SPAG16: variants seen among roughly 807,000 people sequenced by gnomAD.
SPAG16 encodes sperm associated antigen 16.
In SPAG16, 86 loss-of-function variants were observed where a neutral mutation model predicts 80.4. The ratio of observed to expected loss-of-function variants is 1.07; its 90% CI spans 0.90 to 1.28. The LOEUF is 1.28. SPAG16 is among the 50% of genes most tolerant of loss of function. The pLI is 0.00. For synonymous variants in SPAG16, 294 were observed against 265.9 expected (o/e 1.11, Z -1.03); for missense variants, 870 against 765.3 (o/e 1.14, Z -1.61).
At chr2:213,346,858 G>T (rs6435769) in intron 6 of SPAG16, among the ~76,000 whole-genome samples, 2 of 151,484 alleles carry the variant, frequency 1.3e-5, no homozygotes, top group Non-Finnish European at 1.5e-5. Context: ...TTTTTGTTGT[G>T]TCTCTGCCAG....
At chr2:213,609,173 A>G (rs1200061867) in intron 10 of SPAG16, among the ~76,000 whole-genome samples, 2 of 152,214 alleles carry the variant, frequency 1.3e-5, no homozygotes, top group African/African-American at 2.4e-5. Context: ...GAATTTTTCC[A>G]TTCTGAAAAT....
rs187062300 is a variant in SPAG16 at position 213,617,445 on chromosome 2, G to A, written c.1070+127355G>A. On this transcript the variant is annotated intron_variant, in intron 10 of 15. Transcript: ENST00000331683. Reference sequence around the variant, plus strand: ...CAACCTCTGCCTCCTGGGTTAAAGCGATTTTTCTGCCTCAGCCTCCCGACT... The same window carrying A: ...CAACCTCTGCCTCCTGGGTTAAAGCAATTTTTCTGCCTCAGCCTCCCGACT... 8.9e-4 allele frequency among the ~76,000 whole-genome samples: 136 copies of A among 152,204 alleles called. 1 individual carries two copies. The highest frequency in any genetic ancestry group is 1.4e-3 in the Admixed American group (22 of 15,290).
intron 10 of SPAG16, among the ~76,000 whole-genome samples, chr2:213,805,496 A>G (rs900333948): frequency 6.6e-6 from 1 of 152,216 alleles, no homozygotes; most frequent in Non-Finnish European, 1.5e-5. Context: ...GCCAATAGAG[A>G]TAAGATACAG....
At chr2:213,583,216 C>A (rs999998729) in intron 10 of SPAG16, among the ~76,000 whole-genome samples, 1 of 152,086 alleles carries the variant, frequency 6.6e-6, no homozygotes, top group Non-Finnish European at 1.5e-5. Context: ...ATGGAAAAAA[C>A]AGGCTCCTTT....
At chr2:213,352,420 C>A (rs2065384061) in intron 7 of SPAG16, among the ~76,000 whole-genome samples, 1 of 152,158 alleles carries the variant, frequency 6.6e-6, no homozygotes, top group South Asian at 2.1e-4. Context: ...CAGATCTCTT[C>A]CTATTTCCTA....
chr2:213,501,618 C>T (rs968124171), intron 10 of SPAG16, among the ~76,000 whole-genome samples: 5 of 152,098 alleles, frequency 3.3e-5, no homozygotes, highest in Admixed American at 6.5e-5. Context: ...AAATAACTAC[C>T]GTAATTTCTT....
At chr2:213,854,568 C>T (rs4386271) in intron 10 of SPAG16, among the ~76,000 whole-genome samples, 52,084 of 151,808 alleles carry the variant, frequency 0.34, 9,327 homozygotes, top group South Asian at 0.47. Context: ...TGTGCTGTGA[C>T]AATGTTCACT....
chr2:213,909,676 G>A (rs1286869100), intron 11 of SPAG16, among the ~76,000 whole-genome samples: 1 of 152,148 alleles, frequency 6.6e-6, no homozygotes, highest in Non-Finnish European at 1.5e-5. Context: ...CTAGCCATAT[G>A]TAGAAAGTTG....
chr2:214,365,127 A>G (rs142239748), intron 15 of SPAG16, among the ~76,000 whole-genome samples: 1 of 152,198 alleles, frequency 6.6e-6, no homozygotes, highest in Admixed American at 6.6e-5. Flanking sequence ...TTCAAGCCTG[A>G]GTGACAGAAG....
chr2:213,858,956 G>A (rs1324295242), intron 10 of SPAG16, among the ~76,000 whole-genome samples: 5 of 151,594 alleles, frequency 3.3e-5, no homozygotes, highest in Admixed American at 6.6e-5. Flanking sequence ...CGAGGTGGGC[G>A]GATCATGAGG....
chr2:213,767,152 T>A (rs979534837), intron 10 of SPAG16, among the ~76,000 whole-genome samples: 2 of 152,232 alleles, frequency 1.3e-5, no homozygotes, highest in African/African-American at 4.8e-5. Flanking sequence ...ATCTTCCAGG[T>A]GGGAAATTAA....
chr2:213,491,200 C>G (rs1156537671), intron 10 of SPAG16, among the ~76,000 whole-genome samples: 3 of 152,124 alleles, frequency 2.0e-5, no homozygotes, highest in Non-Finnish European at 4.4e-5. Context: ...TGTTCTATTT[C>G]AATGTAAAAC....
intron 10 of SPAG16, among the ~76,000 whole-genome samples, chr2:213,515,658 A>G (rs2075392110): frequency 6.6e-6 from 1 of 152,184 alleles, no homozygotes; most frequent in African/African-American, 2.4e-5. Context: ...GGGGAGTTTA[A>G]AAATATCTTT....
chr2:213,679,661 A>G (rs1195156439), intron 10 of SPAG16, among the ~76,000 whole-genome samples: 1 of 152,172 alleles, frequency 6.6e-6, no homozygotes, highest in Non-Finnish European at 1.5e-5. Flanking sequence ...ATATTTGTAA[A>G]GTTACCTTCA....
At chr2:213,742,784 C>T (rs1435647700) in intron 10 of SPAG16, among the ~76,000 whole-genome samples, 1 of 151,834 alleles carries the variant, frequency 6.6e-6, no homozygotes, top group African/African-American at 2.4e-5. Flanking sequence ...AACCCCTGAC[C>T]TCAGGTGATC....
chr2:213,385,141 G>A (rs566266549), intron 9 of SPAG16, among the ~76,000 whole-genome samples: 3 of 152,214 alleles, frequency 2.0e-5, no homozygotes, highest in Admixed American at 6.5e-5. Flanking sequence ...CTGGTCATCC[G>A]GTGGACATGG....
chr2:213,539,420 A>G (rs984188598), intron 10 of SPAG16, among the ~76,000 whole-genome samples: 6 of 152,194 alleles, frequency 3.9e-5, no homozygotes, highest in Non-Finnish European at 2.9e-5. Context: ...AGCTGGCCAA[A>G]AACTTATTAC....
At position 213,310,095 on chromosome 2, in the gene SPAG16, C is replaced by A. The variant is rs143242130; in HGVS notation, c.316C>A (p.Pro106Thr). Residue 106 changes from proline to threonine, a missense_variant, in exon 4 of 16, where the codon CCT becomes ACT. Pro to Thr is a conservative substitution (Grantham distance 38). Transcript: ENST00000331683. ...AGTTCTTCCTTCAAAGCATGCAGTA[C>A]CTGAAGTAATAGAAGACTTTCTCTG... ...KTVLPSKHAV[P>T]EVIEDFLCNF... The A allele has an allele frequency of 6.2e-7, 1 of 1,610,764 alleles. No individual in the cohort carries two copies. The highest frequency in any genetic ancestry group is 8.5e-7 in the Non-Finnish European group (1 of 1,178,178).
At position 214,237,262 on chromosome 2, in the gene SPAG16, C is replaced by A. The variant is rs146305990; in HGVS notation, c.1720+87996C>A. Among the ~76,000 whole-genome samples the A allele has an allele frequency of 1.7e-3, 263 of 151,974 alleles. 1 individual carries two copies. The highest frequency in any genetic ancestry group is 6.8e-3 in the Middle Eastern group (2 of 294). ...ACTTAAGAGAATTTTGGGATGTGTT[C>A]CACAAGAGACCTGGACCACATTTTC... is the stretch of plus-strand genomic sequence containing the variant. On this transcript the variant is annotated intron_variant, in intron 15 of 15. Transcript: ENST00000331683.
Sources: gnomAD v4.1 joint callset for allele counts (sites outside exome capture counted in the v4.1 genomes callset) on GRCh38, gnomAD v4.1.1 for gene constraint, MANE v1.5 for transcripts, NCBI Gene and HGNC (gene_info 2026-07-23, HGNC 2026-07-21) for gene names.